The following MYRF variants were observed in gnomAD, a reference collection of about 807,000 sequenced individuals.
MYRF encodes myelin gene regulatory factor.
In MYRF, 16 loss-of-function variants were observed where a neutral mutation model predicts 126.3. The observed-to-expected ratio is 0.13, with a 90% confidence interval of 0.09 to 0.19. MYRF has a LOEUF of 0.19. Among genes scored for constraint, MYRF ranks in the 10% least tolerant of loss-of-function variants. The pLI is 1.00. For synonymous variants in MYRF, 608 were observed against 635.3 expected (o/e 0.96, Z 0.65); for missense variants, 1,104 against 1,547.0 (o/e 0.71, Z 4.80).
intron 1 of MYRF, among the ~76,000 whole-genome samples, chr11:61,760,802 A>G (rs1392930016): frequency 6.6e-6 from 1 of 152,162 alleles, no homozygotes; most frequent in Non-Finnish European, 1.5e-5. Context: ...GCTGAGGGTC[A>G]TAGCCATCAA....
intron 2 of MYRF, 24 bp from the exon 3 acceptor site, chr11:61,765,934 C>T: frequency 6.8e-7 from 1 of 1,479,500 alleles, no homozygotes. Context: ...CTGGCTGGAG[C>T]TGAGCCGCCC....
At chr11:61,753,699 A>G (rs1378112174) in intron 1 of MYRF, among the ~76,000 whole-genome samples, 3 of 150,854 alleles carry the variant, frequency 2.0e-5, no homozygotes, top group African/African-American at 7.4e-5. Flanking sequence ...CATACACCCC[A>G]TAATATCTTC....
rs767436685 is a variant in MYRF, at chr11:61,770,319, G to A, written c.534G>A (p.Pro178=). The A allele has an allele frequency of 1.7e-5, 27 of 1,589,736 alleles. No individual in the cohort carries two copies. The highest frequency in any genetic ancestry group is 8.6e-5 in the Admixed American group (5 of 58,166). ...HVGVPSRLEH[P]PPPPAHLPGP... ...GAGTGCCCTCCCGCCTGGAGCATCCGCCCCCACCTCCAGCCCACTTGCCAG... is the reference window on the plus strand; with the variant it reads ...GAGTGCCCTCCCGCCTGGAGCATCCACCCCCACCTCCAGCCCACTTGCCAG... Residue 178 remains proline, a synonymous_variant, in exon 5 of 27, where the codon CCG becomes CCA. Transcript: ENST00000278836.
chr11:61,781,629 C>T lies in MYRF; in HGVS notation c.2821C>T (p.Leu941Phe). Residue 941 changes from leucine to phenylalanine, a missense_variant, in exon 22 of 27, where the codon CTT (leucine) becomes TTT (phenylalanine). Coordinates refer to ENST00000278836, the MANE Select transcript of MYRF (RefSeq NM_001127392.3). ...VTNIRAKSWGLSVNGIGHSKH... is the reference protein window; with the variant it reads ...VTNIRAKSWGFSVNGIGHSKH... ...CAACATCAGAGCCAAGTCCTGGGGT[C>T]TTTCAGTCAATGGCATTGGCCACTC... 3 of 1,613,902 alleles carry T rather than the reference C, an allele frequency of 1.9e-6. No homozygotes were observed. The highest frequency in any genetic ancestry group is 2.5e-6 in the Non-Finnish European group (3 of 1,180,024).
At position 61,778,935 on chromosome 11, in the gene MYRF, A is replaced by C; in HGVS notation, c.2014-328A>C. ...GTGAAGTGCTGACATCTGAGACACCAGTCATCCGAGGGGCAGATCCCGGGG... is the reference window on the plus strand; with the variant it reads ...GTGAAGTGCTGACATCTGAGACACCCGTCATCCGAGGGGCAGATCCCGGGG... On this transcript the variant is annotated intron_variant, in intron 14 of 26. Transcript: ENST00000278836. This position sits in a 1 kb window ranked among gnomAD's most constrained non-coding sequence, Gnocchi z 4.6. 1.7e-6 allele frequency: 1 copy of C among 593,896 alleles called. No individual in the cohort carries two copies. The highest frequency in any genetic ancestry group is 3.2e-6 in the Non-Finnish European group (1 of 315,762). The allele number at this position is 593,896 out of a possible 1,614,324, so 36.8% of individuals were successfully genotyped here.
Position 61,757,102 on chromosome 11 carries a change from C to T in MYRF, c.46+4312C>T, listed in dbSNP as rs1437145651. 14 of 445,770 alleles carry T rather than the reference C, an allele frequency of 3.1e-5. No individual in the cohort carries two copies. The highest frequency in any genetic ancestry group is 1.7e-4 in the South Asian group (11 of 64,348). 27.6% of individuals were successfully genotyped at this position (445,770 alleles called of 1,614,324 possible). ...CCTTACCTTCCCACCTTCCTCTTCACGGACCTAGCACCTTCCTGGGCCTCA... is the reference window on the plus strand; with the variant it reads ...CCTTACCTTCCCACCTTCCTCTTCATGGACCTAGCACCTTCCTGGGCCTCA... On this transcript the variant is annotated intron_variant, in intron 1 of 26. Transcript: ENST00000278836. The surrounding 1 kb of genome is among the most constrained non-coding windows in gnomAD (Gnocchi z 4.7).
intron 1 of MYRF, among the ~76,000 whole-genome samples, chr11:61,753,093 GACAC>G (rs1455727990): frequency 6.6e-6 from 1 of 152,056 alleles, no homozygotes; most frequent in Non-Finnish European, 1.5e-5. Context: ...CCTAAATTGT[GACAC>G]TCTCGCCCCC....
Position 61,764,039 on chromosome 11 carries a change from G to A in MYRF, c.47-1586G>A, listed in dbSNP as rs112388193. 7.7e-4 allele frequency among the ~76,000 whole-genome samples: 117 copies of A among 152,316 alleles called. 2 individuals carry two copies. The highest frequency in any genetic ancestry group is 2.7e-3 in the African/African-American group (112 of 41,556). On this transcript the variant is annotated intron_variant, in intron 1 of 26. Transcript: ENST00000278836. ...CACACAGACTGGCCACGCCCAGCTC[G>A]AGAAGCTGCTCTTGCCCCGGCCACA...
At chr11:61,772,302 C>G (rs538388453) in intron 7 of MYRF, among the ~76,000 whole-genome samples, 1 of 152,274 alleles carries the variant, frequency 6.6e-6, no homozygotes, top group East Asian at 1.9e-4. Context: ...CCGGCAGCCC[C>G]CTCCCTAGAG....
rs1555053533 is a variant in MYRF, at chr11:61,761,261, G to GGC, written c.47-4363_47-4362insCG. 8.3e-5 allele frequency among the ~76,000 whole-genome samples: 10 copies of GGC among 120,932 alleles called. No individual in the cohort carries two copies. In the East Asian group the frequency reaches 1.4e-3, roughly 17 times the overall value. 79.3% of individuals were successfully genotyped at this position (120,932 alleles called of 152,430 possible). ...ACTCAGCCAACGGCCACAGCTGGTG[G>GGC]GGGGGGGGGCACATAAGCACAAGGA... On this transcript the variant is annotated intron_variant, in intron 1 of 26. Coordinates refer to ENST00000278836, the MANE Select transcript of MYRF (RefSeq NM_001127392.3).
chr11:61,775,758 A>G (rs1591115169), intron 8 of MYRF, among the ~76,000 whole-genome samples: 3 of 92,006 alleles, frequency 3.3e-5, no homozygotes, highest in African/African-American at 9.0e-5. Flanking sequence ...AGGTGGGGGG[A>G]GCGTGTGGGT....
chr11:61,765,778 A>G (rs1726023227), intron 2 of MYRF, 66 bp downstream of exon 2: 4 of 1,523,678 alleles, frequency 2.6e-6, no homozygotes, highest in Non-Finnish European at 3.6e-6. Context: ...TTCTGTCACC[A>G]GGGAGGTCTG....
rs751687694 is a variant in MYRF at position 61,771,826 on chromosome 11, C to T, written c.992-3C>T. On this transcript the variant is annotated splice_polypyrimidine_tract_variant and splice_region_variant and intron_variant, in intron 6 of 26. Coordinates refer to ENST00000278836, the MANE Select transcript of MYRF (RefSeq NM_001127392.3). ...GGCCCACATGGGCGTTCCCTCCCTC[C>T]AGGCCTCCTGCAGGACAGTGACAGC... 3.7e-6 allele frequency: 6 copies of T among 1,614,018 alleles called. No individual in the cohort carries two copies. The Admixed American group carries it at 1.0e-4, about 27-fold the overall frequency.
rs928230415 is a variant in MYRF, at chr11:61,787,397, T to C, written c.*1254T>C. Reference sequence around the variant, plus strand: ...TACATCCAGGCTCATGGAAGGAGTGTAGTATTCATTTAGCCATGTCTGCCA... The same window carrying C: ...TACATCCAGGCTCATGGAAGGAGTGCAGTATTCATTTAGCCATGTCTGCCA... On this transcript the variant is annotated 3_prime_UTR_variant, in exon 27 of 27. Transcript: ENST00000278836. 11 of 152,346 alleles carry C rather than the reference T, an allele frequency of 7.2e-5. No homozygotes were observed. Among genetic ancestry groups the C allele is most frequent in the Non-Finnish European group, 1.3e-4 (9 of 68,024 alleles). 9.4% of individuals were successfully genotyped at this position (152,346 alleles called of 1,614,324 possible).
In MYRF at chr11:61,779,246, C is replaced by T; in HGVS notation, c.2014-17C>T. On this transcript the variant is annotated splice_polypyrimidine_tract_variant and intron_variant, in intron 14 of 26. Coordinates refer to ENST00000278836, the MANE Select transcript of MYRF (RefSeq NM_001127392.3). ...CTCTGTGTTGGCCCATGGCCCATGGCCCATGGCCCATGGCAGGAGCGCATC... is the reference window on the plus strand; with the variant it reads ...CTCTGTGTTGGCCCATGGCCCATGGTCCATGGCCCATGGCAGGAGCGCATC... The T allele has an allele frequency of 6.5e-7, 1 of 1,537,064 alleles. No homozygotes were observed. The highest frequency in any genetic ancestry group is 1.2e-5 in the South Asian group (1 of 83,854).
At position 61,752,663 on chromosome 11, in the gene MYRF, C is replaced by A. The variant is rs1403176576; in HGVS notation, c.-82C>A. On this transcript the variant is annotated 5_prime_UTR_variant, in exon 1 of 27. Coordinates refer to ENST00000278836, the MANE Select transcript of MYRF (RefSeq NM_001127392.3). ...AGCCGGAGCCCAGCCGGGACTGTCG[C>A]GCGGGCCGCGCCGGCGATGCCGCGC... is the stretch of plus-strand genomic sequence containing the variant. 6 of 1,122,128 alleles carry A rather than the reference C, an allele frequency of 5.3e-6. No homozygotes were observed. Among genetic ancestry groups the A allele is most frequent in the Non-Finnish European group, 6.7e-6 (6 of 890,852 alleles). The allele number at this position is 1,122,128 out of a possible 1,614,324, so 69.5% of individuals were successfully genotyped here. A position where few individuals can be genotyped will look rare whatever the true frequency, so the allele number is the denominator to read the frequency against.
At chr11:61,768,825 C>A (rs1360459857) in intron 3 of MYRF, 4 of 168,008 alleles carry the variant, frequency 2.4e-5, no homozygotes, top group Non-Finnish European at 3.8e-5. Flanking sequence ...CCTTCCCAGT[C>A]CACACCTGCC....
chr11:61,779,067 G>A (rs143988486), intron 14 of MYRF, 196 bp from the exon 15 acceptor site: 394 of 654,052 alleles, frequency 6.0e-4, no homozygotes, highest in Middle Eastern at 2.4e-3. Flanking sequence ...GGTGTTGCTC[G>A]GAGACAGGCA....
Position 61,780,714 on chromosome 11 carries a change from C to T in MYRF, c.2408C>T (p.Ser803Phe), listed in dbSNP as rs193033927. Residue 803 changes from serine (S) to phenylalanine (F), a missense_variant and splice_region_variant, in exon 19 of 27, where the codon TCT becomes TTT. Around this residue, in one of 10 missense-constraint regions of MYRF, gnomAD observed 323 missense variants for 383.1 expected, o/e 0.84. Transcript: ENST00000278836. Reference sequence around the variant, plus strand: ...TTTGCCTTTTTGCTGCCCCTTAGCTCTTTTGCCGTGTCCACTTCCTGTCTC... The same window carrying T: ...TTTGCCTTTTTGCTGCCCCTTAGCTTTTTTGCCGTGTCCACTTCCTGTCTC... ...TEEDLVDTDGSFAVSTSCLLA... is the reference protein window; with the variant it reads ...TEEDLVDTDGFFAVSTSCLLA... 5.1e-5 allele frequency: 79 copies of T among 1,550,042 alleles called. No individual in the cohort carries two copies. The African/African-American group carries it at 1.0e-3, about 20-fold the overall frequency.
Sources: gnomAD v4.1 joint callset for allele counts (sites outside exome capture counted in the v4.1 genomes callset) on GRCh38, gnomAD v4.1.1 for gene constraint, gnomAD v4.1.1 regional missense constraint, Gnocchi (gnomAD v3.1) non-coding constraint, MANE v1.5 for transcripts, NCBI Gene and HGNC (gene_info 2026-07-23, HGNC 2026-07-21) for gene names.